Variants in PNPLA8 observed in about 807,000 individuals in gnomAD.
The protein encoded by PNPLA8 is patatin like domain 8, phospholipase A2, also known as calcium-independent phospholipase A2-gamma.
Under a neutral mutation model 76.9 loss-of-function variants are expected in PNPLA8, and 39 were observed. The ratio of observed to expected loss-of-function variants is 0.51; its 90% confidence interval spans 0.39 to 0.66. The LOEUF is 0.66. PNPLA8 is among the 30% of genes least tolerant of loss of function. PNPLA8 has a pLI of 0.00. For synonymous variants in PNPLA8, 301 were observed against 307.9 expected, an observed-to-expected ratio of 0.98 and a Z score of 0.24; for missense variants, 887 against 918.0, an observed-to-expected ratio of 0.97 and a Z score of 0.44.
In PNPLA8 at chr7:108,479,205, T is replaced by C. The variant is rs1490131990; in HGVS notation, c.2053A>G (p.Asn685Asp). 1 of 1,612,228 alleles carries C rather than the reference T, an allele frequency of 6.2e-7. No homozygotes were observed. Among genetic ancestry groups the C allele is most frequent in the Admixed American group, 1.7e-5 (1 of 59,992 alleles). The part of the protein sequence containing the change: ...SLKTKLSNVI[N>D]SATDTEEVHI... ...TAACCTTCTGTATCTGTAGCACTGT[T>C]GATAACATTAGAAAGTTTAGTTTTC... is the stretch of plus-strand genomic sequence containing the variant. The change falls in exon 10 of 11, where the codon AAC (asparagine) becomes GAC (aspartate). Residue 685 changes from asparagine to aspartate, a missense_variant. Coordinates refer to ENST00000257694, the MANE Select transcript of PNPLA8 (RefSeq NM_001256007.3).
intron 2 of PNPLA8, among the ~76,000 whole-genome samples, chr7:108,517,382 C>T (rs971663122): frequency 6.6e-6 from 1 of 152,184 alleles, no homozygotes; most frequent in Non-Finnish European, 1.5e-5. Context: ...CTTAACATGA[C>T]CCAGCAATGG....
Position 108,517,764 on chromosome 7 carries a change from G to A in PNPLA8, c.-83-2190C>T, listed in dbSNP as rs1452373960. Among the ~76,000 whole-genome samples, 3 of 152,172 alleles carry A rather than the reference G, an allele frequency of 2.0e-5. No individual in the cohort carries two copies. The East Asian group carries it at 5.8e-4, about 29-fold the overall frequency. On this transcript the variant is annotated intron_variant, in intron 2 of 10. Coordinates refer to ENST00000257694, the MANE Select transcript of PNPLA8 (RefSeq NM_001256007.3). ...AGCTTACATATATATGTAATATGGGGTGTCTGTGTGTGTGTGTTTTATAGA... is the reference window on the plus strand; with the variant it reads ...AGCTTACATATATATGTAATATGGGATGTCTGTGTGTGTGTGTTTTATAGA...
intron 1 of PNPLA8, among the ~76,000 whole-genome samples, chr7:108,524,755 C>G (rs983846553): frequency 6.6e-6 from 1 of 152,076 alleles, no homozygotes; most frequent in Non-Finnish European, 1.5e-5. Context: ...TGCAGTGAGT[C>G]GAGATCGCAC....
chr7:108,501,524 T>G (rs567026653), intron 5 of PNPLA8, among the ~76,000 whole-genome samples: 1 of 152,186 alleles, frequency 6.6e-6, no homozygotes, highest in East Asian at 1.9e-4. Flanking sequence ...GTAAGATAAG[T>G]GTAATAAAAG....
chr7:108,507,719 T>A lies in PNPLA8; in HGVS notation c.1207-5077A>T, dbSNP rs1014485795. On this transcript the variant is annotated intron_variant, in intron 4 of 10. Transcript: ENST00000257694. Reference sequence around the variant, plus strand: ...TATTTTTTTTAAAGGTGCAAAAAAATTCATTTAATCACTGAGGCAGCTATT... The same window carrying A: ...TATTTTTTTTAAAGGTGCAAAAAAAATCATTTAATCACTGAGGCAGCTATT... Among the ~76,000 whole-genome samples the A allele has an allele frequency of 2.0e-5, 3 of 152,094 alleles. No individual in the cohort carries two copies. In the South Asian group the frequency reaches 6.2e-4, roughly 32 times the overall value.
intron 5 of PNPLA8, among the ~76,000 whole-genome samples, chr7:108,498,727 G>A (rs1442134379): frequency 6.6e-6 from 1 of 152,060 alleles, no homozygotes; most frequent in African/African-American, 2.4e-5. Context: ...CTTCATGAAG[G>A]AATGCGAAAC....
Position 108,479,190 on chromosome 7 carries a change from T to C in PNPLA8, c.2068A>G (p.Thr690Ala). ...AGCAGCAAACAAGACTAACCTTCTG[T>C]ATCTGTAGCACTGTTGATAACATTA... ...LSNVINSATD[T>A]EEVHIMLDGL... Residue 690 changes from threonine (T) to alanine (A), a missense_variant, in exon 10 of 11, where the codon ACA becomes GCA. Coordinates refer to ENST00000257694, the MANE Select transcript of PNPLA8 (RefSeq NM_001256007.3). 1 of 1,605,664 alleles carries C rather than the reference T, an allele frequency of 6.2e-7. No homozygotes were observed. The highest frequency in any genetic ancestry group is 8.5e-7 in the Non-Finnish European group (1 of 1,173,306).
chr7:108,523,325 C>G (rs1863871490), intron 1 of PNPLA8, among the ~76,000 whole-genome samples: 1 of 152,176 alleles, frequency 6.6e-6, no homozygotes, highest in Non-Finnish European at 1.5e-5. Flanking sequence ...GCAAAGATCA[C>G]CTGGTGGCCA....
intron 4 of PNPLA8, among the ~76,000 whole-genome samples, chr7:108,503,384 A>G (rs1446372726): frequency 1.3e-5 from 2 of 152,140 alleles, no homozygotes; most frequent in African/African-American, 4.8e-5. Flanking sequence ...TAAATCAAAC[A>G]ATTTTCCTAG....
chr7:108,507,063 C>G (rs1862486957), intron 4 of PNPLA8, among the ~76,000 whole-genome samples: 1 of 152,012 alleles, frequency 6.6e-6, no homozygotes, highest in East Asian at 1.9e-4. Context: ...CTCGGTGAGG[C>G]TGGGAGCGGT....
At chr7:108,493,447 T>C (rs1362228491) in intron 7 of PNPLA8, among the ~76,000 whole-genome samples, 1 of 151,924 alleles carries the variant, frequency 6.6e-6, no homozygotes, top group Non-Finnish European at 1.5e-5. Context: ...TCTCGCTCTG[T>C]CGCCCAGACT....
rs117507073 is a variant in PNPLA8 at position 108,479,869 on chromosome 7, C to T, written c.1879-490G>A. On this transcript the variant is annotated intron_variant, in intron 9 of 10. Coordinates refer to ENST00000257694, the MANE Select transcript of PNPLA8 (RefSeq NM_001256007.3). ...GATATAACGTAAATAACAGAATAAACCTTATATTTCTAAGTATGTATCAAT... is the reference window on the plus strand; with the variant it reads ...GATATAACGTAAATAACAGAATAAATCTTATATTTCTAAGTATGTATCAAT... 6.5e-3 allele frequency among the ~76,000 whole-genome samples: 994 copies of T among 152,144 alleles called. 5 individuals carry two copies. Among genetic ancestry groups the T allele is most frequent in the Non-Finnish European group, 0.011 (740 of 67,990 alleles).
rs766128926 is a variant in PNPLA8, at chr7:108,479,295, T to C, written c.1963A>G (p.Ile655Val). 12 of 1,609,684 alleles carry C rather than the reference T, an allele frequency of 7.5e-6. No homozygotes were observed. The highest frequency in any genetic ancestry group is 1.7e-5 in the Admixed American group (1 of 59,970). The stretch of plus-strand genomic sequence containing the variant: ...TAACGTCCAGTGCCCAGGGATACTA[T>C]GCACTCTAACGGCACATCTGGCCAA... ...CLWPDVPLECIVSLGTGRYES... is the reference protein window; with the variant it reads ...CLWPDVPLECVVSLGTGRYES... The change falls in exon 10 of 11, where the codon ATA (isoleucine) becomes GTA (valine). Residue 655 changes from isoleucine to valine, a missense_variant. Physicochemically the swap from Ile to Val is conservative, Grantham distance 29. Transcript: ENST00000257694.
chr7:108,505,325 TATATATATATATATATATATATATA>T (rs1260553900), intron 4 of PNPLA8, among the ~76,000 whole-genome samples: 716 of 9,168 alleles, frequency 0.078, 51 homozygotes, highest in East Asian at 0.11. Context: ...TATATATATA[TATATATATATATATATATATATATA>T]TATTTTTTTT....
intron 2 of PNPLA8, among the ~76,000 whole-genome samples, chr7:108,521,084 T>G (rs564717868): frequency 2.0e-4 from 31 of 151,460 alleles, no homozygotes; most frequent in African/African-American, 7.5e-4. Flanking sequence ...TCACTGAAGT[T>G]ACAAAACATG....
Position 108,479,540 on chromosome 7 carries a change from G to T in PNPLA8, c.1879-161C>A, listed in dbSNP as rs1389906531. ...AAAAAAATCCATGCGAAGACTCATTGGTCTCATAAAGAAACTTTTTATTAA... is the reference window on the plus strand; with the variant it reads ...AAAAAAATCCATGCGAAGACTCATTTGTCTCATAAAGAAACTTTTTATTAA... On this transcript the variant is annotated intron_variant, in intron 9 of 10. Coordinates refer to ENST00000257694, the MANE Select transcript of PNPLA8 (RefSeq NM_001256007.3). The T allele has an allele frequency of 3.0e-5, 19 of 626,096 alleles. No homozygotes were observed. The East Asian group carries it at 5.4e-4, about 18-fold the overall frequency. The allele number at this position is 626,096 out of a possible 1,614,324, so 38.8% of individuals were successfully genotyped here.
intron 9 of PNPLA8, 116 bp from the exon 10 acceptor site, chr7:108,479,495 CT>C (rs1860245180): frequency 1.5e-6 from 1 of 689,472 alleles, no homozygotes; most frequent in Non-Finnish European, 2.4e-6. Flanking sequence ...AAGTGCATTT[CT>C]TTTATAGACT....
intron 9 of PNPLA8, among the ~76,000 whole-genome samples, chr7:108,482,413 A>C (rs887995128): frequency 1.3e-5 from 2 of 152,208 alleles, no homozygotes; most frequent in Non-Finnish European, 2.9e-5. Context: ...CAGAGGTTGC[A>C]GTGAGCTGAG....
chr7:108,518,746 T>C (rs867130945), intron 2 of PNPLA8, among the ~76,000 whole-genome samples: 7,125 of 65,540 alleles, frequency 0.11, 558 homozygotes, highest in African/African-American at 0.27. Context: ...TATATATATA[T>C]ATATATATAT....
Sources: gnomAD v4.1 joint callset for allele counts (sites outside exome capture counted in the v4.1 genomes callset) on GRCh38, gnomAD v4.1.1 for gene constraint, MANE v1.5 for transcripts, NCBI Gene and HGNC (gene_info 2026-07-23, HGNC 2026-07-21) for gene names.